TUT4: variants seen among roughly 807,000 people sequenced by gnomAD.
TUT4 encodes terminal uridylyl transferase 4, also known as terminal uridylyltransferase 4.
In TUT4, 36 loss-of-function variants were observed where a neutral mutation model predicts 192.2. The ratio of observed to expected loss-of-function variants is 0.19; its 90% confidence interval spans 0.14 to 0.25. The LOEUF (loss-of-function observed/expected upper bound fraction) is 0.25, where lower values mean the gene tolerates loss of function less well. Ranked by LOEUF, TUT4 falls within the 10% of genes least tolerant of loss-of-function variation. The probability of loss-of-function intolerance (pLI) is 1.00; values close to 1 mark genes in which losing one functional copy is unlikely to be tolerated. For missense variants in TUT4, 1,493 were observed against 1,957.2 expected, an observed-to-expected ratio of 0.76 and a Z score of 4.47; for synonymous variants, 618 against 666.0, an observed-to-expected ratio of 0.93 and a Z score of 1.11.
chr1:52,428,001 C>T (rs1391763040), intron 28 of TUT4, among the ~76,000 whole-genome samples: 1 of 152,034 alleles, frequency 6.6e-6, no homozygotes, highest in Non-Finnish European at 1.5e-5. Flanking sequence ...CAGAGGTACA[C>T]ATTAAATGAT....
chr1:52,485,517 C>T (rs2149017242), intron 9 of TUT4, among the ~76,000 whole-genome samples: 2 of 152,224 alleles, frequency 1.3e-5, no homozygotes, highest in South Asian at 4.1e-4. Flanking sequence ...AACTTCTCTG[C>T]AATATTCTTT....
At chr1:52,517,720 T>C (rs985104210) in intron 2 of TUT4, among the ~76,000 whole-genome samples, 44 of 152,246 alleles carry the variant, frequency 2.9e-4, no homozygotes, top group African/African-American at 1.1e-3. Flanking sequence ...CTTGCAATTA[T>C]GTACTAATAT....
At chr1:52,436,011 T>C (rs1653672885) in intron 26 of TUT4, among the ~76,000 whole-genome samples, 1 of 152,222 alleles carries the variant, frequency 6.6e-6, no homozygotes, top group South Asian at 2.1e-4. Context: ...CTTATTTTTT[T>C]TTAATAAACT....
At chr1:52,540,205 C>G (rs374641526) in intron 1 of TUT4, among the ~76,000 whole-genome samples, 1 of 134,804 alleles carries the variant, frequency 7.4e-6, no homozygotes, top group Non-Finnish European at 1.6e-5. Flanking sequence ...GGTGACAGAG[C>G]GAGACTCTGT....
At chr1:52,511,038 A>T (rs1388069536) in intron 3 of TUT4, among the ~76,000 whole-genome samples, 1 of 152,234 alleles carries the variant, frequency 6.6e-6, no homozygotes, top group African/African-American at 2.4e-5. Flanking sequence ...TCTGACAAAA[A>T]GATTCTTTCA....
chr1:52,490,697 G>C, intron 8 of TUT4, 35 bp downstream of exon 8: 1 of 1,564,204 alleles, frequency 6.4e-7, no homozygotes, highest in African/African-American at 1.4e-5. Context: ...GTTGGGGTTT[G>C]TTTTTTTAAA....
rs1347248830 is a variant in TUT4, at chr1:52,475,000, C to A, written c.2559G>T (p.Arg853Ser). The A allele has an allele frequency of 1.2e-6, 2 of 1,614,160 alleles. No homozygotes were observed. The highest frequency in any genetic ancestry group is 1.7e-6 in the Non-Finnish European group (2 of 1,180,026). Reference protein sequence around the residue: ...DPDKSTGTDCRSNLETESSHQ... With the variant: ...DPDKSTGTDCSSNLETESSHQ... ...GTGAACTCTCTGTTTCTAAATTTGA[C>A]CTGCAGTCTGTTCCAGTAGATTTAT... The change falls in exon 13 of 30, where the codon AGG (arginine) becomes AGT (serine). Residue 853 changes from arginine to serine, a missense_variant. Coordinates refer to ENST00000257177, the MANE Select transcript of TUT4 (RefSeq NM_001009881.3).
chr1:52,447,477 C>CAAAAAAAA (rs576050725), intron 20 of TUT4, among the ~76,000 whole-genome samples: 10 of 113,334 alleles, frequency 8.8e-5, no homozygotes, highest in Admixed American at 8.6e-5. Flanking sequence ...AACAAAAAAA[C>CAAAAAAAA]AAAAAAAAAA....
intron 14 of TUT4, among the ~76,000 whole-genome samples, chr1:52,470,587 C>T (rs974672569): frequency 4.0e-5 from 6 of 151,714 alleles, no homozygotes; most frequent in Non-Finnish European, 8.8e-5. Context: ...AATTAACCAC[C>T]GATACACAAC....
intron 15 of TUT4, among the ~76,000 whole-genome samples, chr1:52,466,645 CAAAAAA>C (rs71579929): frequency 8.4e-6 from 1 of 118,350 alleles, no homozygotes; most frequent in African/African-American, 3.5e-5. Context: ...TATCCTATTT[CAAAAAA>C]AAAAAAAAAT....
At chr1:52,444,095 G>A (rs1235871293) in intron 24 of TUT4, among the ~76,000 whole-genome samples, 4 of 152,058 alleles carry the variant, frequency 2.6e-5, no homozygotes, top group Non-Finnish European at 5.9e-5. Context: ...AATTAGCTGG[G>A]CGTGGTGTCG....
intron 2 of TUT4, among the ~76,000 whole-genome samples, chr1:52,524,631 T>C (rs941508571): frequency 1.3e-5 from 2 of 150,864 alleles, no homozygotes; most frequent in Admixed American, 6.6e-5. Context: ...TATGGTGAAA[T>C]CCCGTCTCTA....
chr1:52,529,895 A>G (rs995661477), intron 1 of TUT4: 1 of 152,078 alleles, frequency 6.6e-6, no homozygotes, highest in South Asian at 2.1e-4. Flanking sequence ...GTTGGGGGGT[A>G]AAGTGGCACA....
At position 52,446,450 on chromosome 1, in the gene TUT4, T is replaced by TAAA. The variant is rs55749039; in HGVS notation, c.3514-11_3514-9dup. ...TGAAGGTAAACGCTTTTTCTACATA[T>TAAA]AAAAAAAAAAAGAAAAGAACAATGT... is the stretch of plus-strand genomic sequence containing the variant. On this transcript the variant is annotated splice_polypyrimidine_tract_variant and intron_variant, in intron 21 of 29. Coordinates refer to ENST00000257177, the MANE Select transcript of TUT4 (RefSeq NM_001009881.3). The TAAA allele has an allele frequency of 5.9e-6, 8 of 1,363,544 alleles. No individual in the cohort carries two copies. Among genetic ancestry groups the TAAA allele is most frequent in the Admixed American group, 2.3e-5 (1 of 43,080 alleles). The allele number at this position is 1,363,544 out of a possible 1,614,324, so 84.5% of individuals were successfully genotyped here.
chr1:52,460,300 G>A (rs1662201579), intron 19 of TUT4, among the ~76,000 whole-genome samples: 1 of 152,112 alleles, frequency 6.6e-6, no homozygotes. Context: ...TGGCCAACAT[G>A]GTGAAACCCC....
chr1:52,486,904 C>G (rs754319287), intron 9 of TUT4, among the ~76,000 whole-genome samples: 1 of 152,138 alleles, frequency 6.6e-6, no homozygotes, highest in African/African-American at 2.4e-5. Flanking sequence ...TCTTCTAACA[C>G]AGACTACTTA....
upstream of TUT4, chr1:52,553,317 A>AAG (rs1689959079): frequency 2.0e-4 from 24 of 122,512 alleles, no homozygotes; most frequent in Admixed American, 2.2e-3. Flanking sequence ...GGGGCCCCAC[A>AAG]GGCACCGTTT....
chr1:52,466,676 A>ATTTT (rs1216020416), intron 15 of TUT4, among the ~76,000 whole-genome samples: 31 of 137,738 alleles, frequency 2.3e-4, no homozygotes, highest in African/African-American at 9.1e-4. Flanking sequence ...ATATATATAT[A>ATTTT]TATATATTTT....
At chr1:52,535,221 C>A (rs1684583407) in intron 1 of TUT4, 1 of 152,002 alleles carries the variant, frequency 6.6e-6, no homozygotes. Flanking sequence ...CTTTCTATTG[C>A]TCCTATTAAT....
Sources: gnomAD v4.1 joint callset for allele counts (sites outside exome capture counted in the v4.1 genomes callset) on GRCh38, gnomAD v4.1.1 for gene constraint, MANE v1.5 for transcripts, NCBI Gene and HGNC (gene_info 2026-07-23, HGNC 2026-07-21) for gene names.